CLSTN2: variants seen among roughly 807,000 people sequenced by gnomAD.
CLSTN2 encodes calsyntenin-2.
Under a neutral mutation model 101.2 loss-of-function variants are expected in CLSTN2, and 48 were observed. The observed-to-expected ratio is 0.47, with a 90% CI of 0.38 to 0.60. The LOEUF (loss-of-function observed/expected upper bound fraction) is 0.60. Ranked by LOEUF, CLSTN2 falls within the 20% of genes least tolerant of loss-of-function variation. The pLI, the probability that CLSTN2 is intolerant of heterozygous loss-of-function variation, is 0.00. For synonymous variants in CLSTN2, 481 were observed against 463.6 expected, an observed-to-expected ratio of 1.04 and a Z score of -0.48; for missense variants, 1,160 against 1,238.2, an observed-to-expected ratio of 0.94 and a Z score of 0.95.
chr3:140,004,017 G>T (rs1255648574), intron 1 of CLSTN2, among the ~76,000 whole-genome samples: 1 of 151,986 alleles, frequency 6.6e-6, no homozygotes, highest in Non-Finnish European at 1.5e-5. Context: ...AAATGTTATG[G>T]AGGTGCTAAT....
At chr3:140,154,192 A>G (rs1194119774) in intron 1 of CLSTN2, among the ~76,000 whole-genome samples, 2 of 152,170 alleles carry the variant, frequency 1.3e-5, no homozygotes, top group African/African-American at 2.4e-5. Flanking sequence ...GGGGTCTTCA[A>G]GAAGGGGTTA....
At position 140,288,086 on chromosome 3, in the gene CLSTN2, G is replaced by A. The variant is rs144277360; in HGVS notation, c.232+112013G>A. Among the ~76,000 whole-genome samples the A allele has an allele frequency of 2.5e-3, 354 of 139,522 alleles. 5 individuals are homozygous for A. Among genetic ancestry groups the A allele is most frequent in the African/African-American group, 8.8e-3 (340 of 38,596 alleles). 91.5% of individuals were successfully genotyped at this position (139,522 alleles called of 152,430 possible). A position where few individuals can be genotyped will look rare whatever the true frequency, so the allele number is the denominator to read the frequency against. Reference sequence around the variant, plus strand: ...TGATTTCCTTCTTGATAGATGACACGTGGCCTTCATTTCTAAAGCAGTCTC... The same window carrying A: ...TGATTTCCTTCTTGATAGATGACACATGGCCTTCATTTCTAAAGCAGTCTC... On this transcript the variant is annotated intron_variant, in intron 2 of 16. Transcript: ENST00000458420.
At chr3:140,181,430 T>G (rs1477856894) in intron 2 of CLSTN2, among the ~76,000 whole-genome samples, 1 of 151,936 alleles carries the variant, frequency 6.6e-6, no homozygotes, top group Non-Finnish European at 1.5e-5. Flanking sequence ...TAATCTGTGA[T>G]TTTTTTTAAA....
intron 2 of CLSTN2, among the ~76,000 whole-genome samples, chr3:140,185,356 C>T (rs1559801153): frequency 6.6e-6 from 1 of 152,174 alleles, no homozygotes; most frequent in Non-Finnish European, 1.5e-5. Flanking sequence ...CCCCAACCAC[C>T]TTTCTTTTTT....
intron 16 of CLSTN2, among the ~76,000 whole-genome samples, chr3:140,565,143 C>G (rs1428161831): frequency 6.6e-6 from 1 of 152,162 alleles, no homozygotes; most frequent in African/African-American, 2.4e-5. Context: ...AGTGTGAGGA[C>G]AAGGCAAGAG....
rs77350614 is a variant in CLSTN2 at position 140,425,070 on chromosome 3, T to G, written c.787+3796T>G. ...CTGGAGTAACCAAGCAAATGCACTT[T>G]GGCAGTTTGAATTCTGGTACCTGTT... On this transcript the variant is annotated intron_variant, in intron 5 of 16. Transcript: ENST00000458420. 2.6e-4 allele frequency among the ~76,000 whole-genome samples: 39 copies of G among 152,358 alleles called. No individual in the cohort carries two copies. In the East Asian group the frequency reaches 7.1e-3, roughly 28 times the overall value.
intron 1 of CLSTN2, among the ~76,000 whole-genome samples, chr3:140,096,300 A>G (rs1384824727): frequency 6.6e-6 from 1 of 152,180 alleles, no homozygotes; most frequent in African/African-American, 2.4e-5. Flanking sequence ...ATCTAATGCA[A>G]ATCATGTTCT....
At chr3:140,077,039 C>G (rs151083942) in intron 1 of CLSTN2, among the ~76,000 whole-genome samples, 3 of 152,292 alleles carry the variant, frequency 2.0e-5, no homozygotes, top group Non-Finnish European at 4.4e-5. Flanking sequence ...TTTTTCAACT[C>G]TGAATTTACA....
chr3:140,095,638 A>G lies in CLSTN2; in HGVS notation c.110-80313A>G, dbSNP rs180722338. 1.7e-3 allele frequency among the ~76,000 whole-genome samples: 265 copies of G among 152,294 alleles called. 1 individual carries two copies. Among genetic ancestry groups the G allele is most frequent in the African/African-American group, 6.0e-3 (249 of 41,560 alleles). On this transcript the variant is annotated intron_variant, in intron 1 of 16. Coordinates refer to ENST00000458420, the MANE Select transcript of CLSTN2 (RefSeq NM_022131.3). ...TTCTATTCCAACTACAAACATCCCC[A>G]GTTCTCATAAAGTGTATGGAGACTT...
At chr3:140,392,883 A>G (rs532822318) in intron 2 of CLSTN2, among the ~76,000 whole-genome samples, 1 of 152,190 alleles carries the variant, frequency 6.6e-6, no homozygotes, top group East Asian at 1.9e-4. Context: ...TGAGAAGTCC[A>G]TGGTCGAGGG....
At chr3:140,168,374 T>A (rs1479695322) in intron 1 of CLSTN2, among the ~76,000 whole-genome samples, 1 of 152,170 alleles carries the variant, frequency 6.6e-6, no homozygotes, top group African/African-American at 2.4e-5. Context: ...TCAAATTGTC[T>A]TATTTAATTG....
chr3:140,106,840 AC>A (rs1196965523), intron 1 of CLSTN2, among the ~76,000 whole-genome samples: 3 of 152,244 alleles, frequency 2.0e-5, no homozygotes, highest in African/African-American at 7.2e-5. Context: ...ATTATATCTT[AC>A]ATTTAACAAA....
In CLSTN2 at chr3:140,338,564, T is replaced by TCC. The variant is rs142182466; in HGVS notation, c.233-65058_233-65057dup. ...TGGGAAATACACATAAAATGTCCAG[T>TCC]CCCCCCCCGGCCTCAGTAGTGCTCA... On this transcript the variant is annotated intron_variant, in intron 2 of 16. Coordinates refer to ENST00000458420, the MANE Select transcript of CLSTN2 (RefSeq NM_022131.3). Among the ~76,000 whole-genome samples the TCC allele has an allele frequency of 6.5e-3, 981 of 150,862 alleles. 12 individuals are homozygous for TCC. The highest frequency in any genetic ancestry group is 0.022 in the African/African-American group (891 of 40,804).
At chr3:140,052,095 C>G (rs1274085184) in intron 1 of CLSTN2, among the ~76,000 whole-genome samples, 1 of 152,204 alleles carries the variant, frequency 6.6e-6, no homozygotes, top group African/African-American at 2.4e-5. Flanking sequence ...TTATCTTTCT[C>G]CAGGCCTGGC....
intron 2 of CLSTN2, among the ~76,000 whole-genome samples, chr3:140,337,401 A>G (rs9681074): frequency 0.059 from 8,976 of 152,150 alleles, 817 homozygotes; most frequent in African/African-American, 0.2. Flanking sequence ...TTCCTTCTTT[A>G]CATTCTGTCC....
chr3:140,250,126 A>G (rs1378985950), intron 2 of CLSTN2, among the ~76,000 whole-genome samples: 1 of 152,230 alleles, frequency 6.6e-6, no homozygotes, highest in Non-Finnish European at 1.5e-5. Flanking sequence ...GCCAAACAAG[A>G]CTACAACACA....
intron 9 of CLSTN2, among the ~76,000 whole-genome samples, chr3:140,534,031 G>T (rs1193312895): frequency 6.6e-6 from 1 of 152,148 alleles, no homozygotes; most frequent in African/African-American, 2.4e-5. Flanking sequence ...ATCTTCAGTT[G>T]CAGGCTCCCC....
rs1334165303 is a variant in CLSTN2, at chr3:140,235,028, G to T, written c.232+58955G>T. Reference sequence around the variant, plus strand: ...GGATATGAGACTTATCTCCTTGGGTGTTTATTTAGCTGTGTCATTCAGCCT... The same window carrying T: ...GGATATGAGACTTATCTCCTTGGGTTTTTATTTAGCTGTGTCATTCAGCCT... On this transcript the variant is annotated intron_variant, in intron 2 of 16. Coordinates refer to ENST00000458420, the MANE Select transcript of CLSTN2 (RefSeq NM_022131.3). Among the ~76,000 whole-genome samples, 19 of 152,148 alleles carry T rather than the reference G, an allele frequency of 1.2e-4. 1 individual carries two copies. The highest frequency in any genetic ancestry group is 2.8e-4 in the Non-Finnish European group (19 of 68,024).
chr3:140,541,064 T>A (rs1334185839), intron 9 of CLSTN2, among the ~76,000 whole-genome samples: 1 of 152,080 alleles, frequency 6.6e-6, no homozygotes, highest in Non-Finnish European at 1.5e-5. Context: ...CTGAATATTT[T>A]CCCCCAGCAT....
Sources: allele counts gnomAD v4.1 joint callset (sites outside exome capture counted in the v4.1 genomes callset), GRCh38; gene constraint gnomAD v4.1.1; transcripts MANE v1.5; gene names NCBI Gene and HGNC (gene_info 2026-07-23, HGNC 2026-07-21).